The following CSTPP1 variants were observed in gnomAD, a reference collection of about 807,000 sequenced individuals.
The protein encoded by CSTPP1 is UPF0705 protein C11orf49.
At chr11:46,988,145 C>CA in the CSTPP1 span, among the ~76,000 whole-genome samples, 4 of 152,170 alleles carry the variant, frequency 2.6e-5, no homozygotes, top group Non-Finnish European at 5.9e-5. Context: ...CTGTGGAGAA[C>CA]AGTTTGGAGG....
At chr11:47,138,716 G>A in the CSTPP1 span, among the ~76,000 whole-genome samples, 2 of 152,082 alleles carry the variant, frequency 1.3e-5, no homozygotes, top group Admixed American at 6.6e-5. Flanking sequence ...GGTGGCTCAC[G>A]CCTGTAATCC....
At chr11:47,095,882 G>A in the CSTPP1 span, among the ~76,000 whole-genome samples, 2 of 152,150 alleles carry the variant, frequency 1.3e-5, no homozygotes, top group Admixed American at 6.5e-5. Flanking sequence ...CATGGCTTCA[G>A]TTTCGAGTAA....
At chr11:47,129,614 T>C in the CSTPP1 span, among the ~76,000 whole-genome samples, 1 of 152,086 alleles carries the variant, frequency 6.6e-6, no homozygotes, top group Non-Finnish European at 1.5e-5. Context: ...CCCCCAAGGG[T>C]TCGACACAGT....
the CSTPP1 span, among the ~76,000 whole-genome samples, chr11:47,143,162 G>A: frequency 6.6e-6 from 1 of 152,194 alleles, no homozygotes; most frequent in Non-Finnish European, 1.5e-5. Context: ...ACTGCAGCTG[G>A]TGCATATGTA....
At chr11:47,149,083 A>G in the CSTPP1 span, among the ~76,000 whole-genome samples, 9 of 152,234 alleles carry the variant, frequency 5.9e-5, no homozygotes, top group Non-Finnish European at 8.8e-5. Context: ...GAAAGTGGCC[A>G]GTCTCTCAGA....
the CSTPP1 span, among the ~76,000 whole-genome samples, chr11:47,026,773 G>T: frequency 1.3e-5 from 2 of 152,122 alleles, no homozygotes; most frequent in African/African-American, 2.4e-5. Context: ...AGCTACTCGG[G>T]TGGCTGAGGC....
At chr11:46,954,037 A>G in the CSTPP1 span, among the ~76,000 whole-genome samples, 1 of 152,360 alleles carries the variant, frequency 6.6e-6, no homozygotes, top group Non-Finnish European at 1.5e-5. Flanking sequence ...TAGCTCGACT[A>G]GGGCCAAGTA....
the CSTPP1 span, among the ~76,000 whole-genome samples, chr11:47,118,697 T>C: frequency 1.2e-4 from 18 of 152,256 alleles, no homozygotes; most frequent in Admixed American, 1.2e-3. Flanking sequence ...GTTTTCCTTC[T>C]AACAGTCAGG....
the CSTPP1 span, among the ~76,000 whole-genome samples, chr11:47,071,783 C>T: frequency 6.6e-6 from 1 of 152,188 alleles, no homozygotes; most frequent in Non-Finnish European, 1.5e-5. Flanking sequence ...AGGCCAAAAC[C>T]CCAGTTAAAC....
chr11:47,128,363 T>C, the CSTPP1 span, among the ~76,000 whole-genome samples: 3 of 152,194 alleles, frequency 2.0e-5, no homozygotes, highest in African/African-American at 7.2e-5. Context: ...TATTAAATAT[T>C]GAGATTCCTT....
chr11:47,060,258 C>CTTTTTTTTTTTTT, the CSTPP1 span, among the ~76,000 whole-genome samples: 25 of 99,014 alleles, frequency 2.5e-4, no homozygotes, highest in African/African-American at 6.8e-4. Flanking sequence ...CTTTTCTTTT[C>CTTTTTTTTTTTTT]TTTTTTTTTT....
At chr11:47,020,108 A>G in the CSTPP1 span, among the ~76,000 whole-genome samples, 1 of 152,314 alleles carries the variant, frequency 6.6e-6, no homozygotes, top group Admixed American at 6.5e-5. Context: ...ATGTGTCCCA[A>G]TTTGGACTTC....
the CSTPP1 span, among the ~76,000 whole-genome samples, chr11:47,003,013 A>G: frequency 6.6e-6 from 1 of 152,222 alleles, no homozygotes; most frequent in Non-Finnish European, 1.5e-5. Context: ...GTCAGTCATC[A>G]AAAGTTAAGA....
the CSTPP1 span, among the ~76,000 whole-genome samples, chr11:47,123,536 T>C: frequency 1.8e-4 from 27 of 152,232 alleles, 1 homozygote; most frequent in Non-Finnish European, 3.5e-4. Context: ...GCTCCTCTAA[T>C]GGTTATTTAT....
the CSTPP1 span, among the ~76,000 whole-genome samples, chr11:47,089,900 T>C: frequency 6.6e-6 from 1 of 152,052 alleles, no homozygotes; most frequent in Non-Finnish European, 1.5e-5. Context: ...GAAGAGAAAA[T>C]ATATATTTAA....
chr11:46,995,785 T>C, the CSTPP1 span, among the ~76,000 whole-genome samples: 1 of 152,222 alleles, frequency 6.6e-6, no homozygotes, highest in Non-Finnish European at 1.5e-5. Flanking sequence ...TGTAGATGTC[T>C]ACTAGGTCTG....
At chr11:47,152,528 AGGC>A in the CSTPP1 span, among the ~76,000 whole-genome samples, 926 of 152,292 alleles carry the variant, frequency 6.1e-3, 5 homozygotes, top group Admixed American at 0.01. Flanking sequence ...CGAGGCTGCG[AGGC>A]AGGGGTAGCC....
chr11:46,996,309 TA>T, the CSTPP1 span, among the ~76,000 whole-genome samples: 5 of 106,076 alleles, frequency 4.7e-5, no homozygotes, highest in South Asian at 2.4e-4. Context: ...TATTTTATTT[TA>T]TTTTTTTTTT....
the CSTPP1 span, among the ~76,000 whole-genome samples, chr11:46,949,345 T>A: frequency 6.6e-6 from 1 of 152,210 alleles, no homozygotes; most frequent in African/African-American, 2.4e-5. Context: ...AAGTCTCACA[T>A]ATGCAGTCTT....
Sources: gnomAD v4.1 joint callset for allele counts (sites outside exome capture counted in the v4.1 genomes callset) on GRCh38, gnomAD v4.1.1 for gene constraint, MANE v1.5 for transcripts, NCBI Gene and HGNC (gene_info 2026-07-23, HGNC 2026-07-21) for gene names.